The following EPG5 variants were observed in gnomAD, a reference collection of about 807,000 sequenced individuals.
EPG5 encodes the protein ectopic P-granules 5 autophagy tethering factor.
Under a neutral mutation model 302.7 loss-of-function variants are expected in EPG5, and 159 were observed. The ratio of observed to expected loss-of-function variants is 0.53; its 90% CI spans 0.46 to 0.60. The LOEUF is 0.60. EPG5 is among the 20% of genes least tolerant of loss of function. The pLI, the probability that EPG5 is intolerant of heterozygous loss-of-function variation, is 0.00. For synonymous variants in EPG5, 1,158 were observed against 1,136.8 expected (o/e 1.02, Z -0.37); for missense variants, 2,896 against 3,092.4 (o/e 0.94, Z 1.51).
chr18:45,894,517 G>C (rs2145533469), intron 27 of EPG5, among the ~76,000 whole-genome samples: 1 of 152,130 alleles, frequency 6.6e-6, no homozygotes, highest in Non-Finnish European at 1.5e-5. Context: ...TTCCCAAAGA[G>C]TTCAGTCTGG....
At chr18:45,879,656 A>G (rs1262772054) in intron 32 of EPG5, among the ~76,000 whole-genome samples, 1 of 152,262 alleles carries the variant, frequency 6.6e-6, no homozygotes, top group Non-Finnish European at 1.5e-5. Flanking sequence ...GGCATGAGCC[A>G]CCGCGCCAGG....
chr18:45,910,930 T>A (rs1207657083), intron 22 of EPG5, among the ~76,000 whole-genome samples, 188 bp from the exon 23 acceptor site: 2 of 152,096 alleles, frequency 1.3e-5, no homozygotes, highest in Non-Finnish European at 2.9e-5. Flanking sequence ...ATGAAAGTAG[T>A]TTTAAAAAGT....
chr18:45,952,964 G>A lies in EPG5; in HGVS notation c.1009-321C>T, dbSNP rs373152342. 2.0e-4 allele frequency among the ~76,000 whole-genome samples: 31 copies of A among 152,272 alleles called. No individual in the cohort carries two copies. In the East Asian group the frequency reaches 3.1e-3, roughly 15 times the overall value. ...CGAGGCAGGTGGATCACGAAGTCAGGAGTTTGAGACCAGCCTGGCCAACAC... is the reference window on the plus strand; with the variant it reads ...CGAGGCAGGTGGATCACGAAGTCAGAAGTTTGAGACCAGCCTGGCCAACAC... On this transcript the variant is annotated intron_variant, in intron 2 of 43. Transcript: ENST00000282041.
downstream of EPG5, among the ~76,000 whole-genome samples, chr18:45,844,736 C>T (rs573924369): frequency 2.0e-4 from 31 of 152,224 alleles, no homozygotes; most frequent in African/African-American, 7.2e-4. Flanking sequence ...AGGAGCCTGT[C>T]TGAGCTGTTA....
In EPG5 at chr18:45,858,691, G is replaced by A; in HGVS notation, c.7101C>T (p.Leu2367=). ...LTMEEFLQEC[L]TLGSYLTLYV... The stretch of plus-strand genomic sequence containing the variant: ...AAAGAGTCAAGTAACTGCCCAAGGT[G>A]AGGCACTCCTGCAGGAACTCTTCCA... The change falls in exon 41 of 44, where the codon CTC becomes CTT. Residue 2367 remains leucine, a synonymous_variant. Coordinates refer to ENST00000282041, the MANE Select transcript of EPG5 (RefSeq NM_020964.3). 4 of 1,614,148 alleles carry A rather than the reference G, an allele frequency of 2.5e-6. No individual in the cohort carries two copies. The highest frequency in any genetic ancestry group is 1.1e-5 in the South Asian group (1 of 91,088).
At chr18:45,846,126 G>A (rs576196069), downstream of EPG5, among the ~76,000 whole-genome samples, 28 of 152,206 alleles carry the variant, frequency 1.8e-4, no homozygotes, top group East Asian at 1.7e-3. Flanking sequence ...TCAAGCGTCC[G>A]GGTTTTGTCC....
the EPG5 span, among the ~76,000 whole-genome samples, chr18:45,814,037 T>G: frequency 3.3e-5 from 5 of 152,166 alleles, no homozygotes; most frequent in Non-Finnish European, 7.3e-5. Context: ...ACATATTCTC[T>G]GAGTATCTCC....
rs185734354 is a variant in EPG5 at position 45,950,372 on chromosome 18, G to A, written c.1389+730C>T. 1.4e-4 allele frequency among the ~76,000 whole-genome samples: 22 copies of A among 152,202 alleles called. No homozygotes were observed. The East Asian group carries it at 4.2e-3, about 29-fold the overall frequency. On this transcript the variant is annotated intron_variant, in intron 4 of 43. Coordinates refer to ENST00000282041, the MANE Select transcript of EPG5 (RefSeq NM_020964.3). ...CCCAGTGGGAGGTAACTGAATCATG[G>A]GGGCCGGTCTTTCCCATGCTATTCT...
rs1382561435 is a variant in EPG5, at chr18:45,910,752, C to A, written c.3984-10G>T. On this transcript the variant is annotated splice_polypyrimidine_tract_variant and intron_variant, in intron 22 of 43. Transcript: ENST00000282041. ...ACCATCTATGGGTAACCTTAAAAAA[C>A]ACAAGCACAGATCTATAACCTTTCA... The A allele has an allele frequency of 1.9e-6, 3 of 1,605,582 alleles. No homozygotes were observed. The highest frequency in any genetic ancestry group is 3.3e-5 in the Admixed American group (2 of 59,850).
chr18:45,960,384 C>T (rs2051123438), intron 1 of EPG5, among the ~76,000 whole-genome samples: 1 of 152,168 alleles, frequency 6.6e-6, no homozygotes, highest in Non-Finnish European at 1.5e-5. Context: ...AAATGGTCCT[C>T]CTGCCTAGCC....
chr18:45,837,382 G>A, the EPG5 span: 1 of 1,312,882 alleles, frequency 7.6e-7, no homozygotes, highest in Non-Finnish European at 9.9e-7. Flanking sequence ...AGTGGGGGAC[G>A]ATCCCTGAGT....
At chr18:45,900,863 C>T (rs1434618741) in intron 26 of EPG5, 133 bp downstream of exon 26, 2 of 793,508 alleles carry the variant, frequency 2.5e-6, no homozygotes, top group Admixed American at 5.7e-5. Flanking sequence ...ACCAAGTGAA[C>T]CGTCTGGGCC....
At chr18:45,869,823 T>G (rs945519600) in intron 36 of EPG5, among the ~76,000 whole-genome samples, 3 of 151,886 alleles carry the variant, frequency 2.0e-5, no homozygotes, top group African/African-American at 7.3e-5. Context: ...TCAAAGCACT[T>G]AAGGTGTCTC....
At chr18:45,857,712 TTC>T (rs2048544159) in intron 42 of EPG5, 139 bp downstream of exon 42, 2 of 639,562 alleles carry the variant, frequency 3.1e-6, no homozygotes, top group African/African-American at 1.8e-5. Flanking sequence ...TGTTTTTTTT[TTC>T]TTTTTTTTTT....
chr18:45,871,320 C>T (rs2048867408), intron 35 of EPG5, among the ~76,000 whole-genome samples: 1 of 152,156 alleles, frequency 6.6e-6, no homozygotes, highest in Non-Finnish European at 1.5e-5. Context: ...AACTCTTAAA[C>T]ACTGTTGGGG....
chr18:45,914,717 T>A (rs578155447), intron 20 of EPG5, among the ~76,000 whole-genome samples: 1 of 152,308 alleles, frequency 6.6e-6, no homozygotes, highest in Admixed American at 6.5e-5. Context: ...CTGGTTCCAG[T>A]GACCACTCTA....
At chr18:45,800,636 C>A in the EPG5 span, among the ~76,000 whole-genome samples, 1 of 152,132 alleles carries the variant, frequency 6.6e-6, no homozygotes, top group African/African-American at 2.4e-5. Flanking sequence ...GTTGGAGGTG[C>A]CAGCTCTTGA....
At chr18:45,923,696 C>T (rs903855868) in intron 14 of EPG5, among the ~76,000 whole-genome samples, 2 of 152,136 alleles carry the variant, frequency 1.3e-5, no homozygotes, top group African/African-American at 4.8e-5. Flanking sequence ...TCAAGGGCAA[C>T]GCCACAAACC....
intron 1 of EPG5, among the ~76,000 whole-genome samples, chr18:45,959,023 A>G (rs1005036942): frequency 1.3e-5 from 2 of 150,770 alleles, no homozygotes; most frequent in African/African-American, 2.5e-5. Context: ...ATCCTTAAAA[A>G]CTCTGCTCTC....
Sources: gnomAD v4.1 joint callset for allele counts (sites outside exome capture counted in the v4.1 genomes callset) on GRCh38, gnomAD v4.1.1 for gene constraint, MANE v1.5 for transcripts, NCBI Gene and HGNC (gene_info 2026-07-23, HGNC 2026-07-21) for gene names.